The following CDC45 variants were observed in gnomAD, a reference collection of about 807,000 sequenced individuals.
The protein encoded by CDC45 is cell division control protein 45 homolog.
Under a neutral mutation model 77.8 loss-of-function variants are expected in CDC45, and 54 were observed. The observed-to-expected ratio is 0.69, with a 90% CI of 0.56 to 0.87. The LOEUF (loss-of-function observed/expected upper bound fraction) is 0.87. Ranked by LOEUF, CDC45 falls within the 40% of genes least tolerant of loss-of-function variation. The pLI is 0.00. For synonymous variants in CDC45, 260 were observed against 272.1 expected, an observed-to-expected ratio of 0.96 and a Z score of 0.44; for missense variants, 649 against 721.6, an observed-to-expected ratio of 0.90 and a Z score of 1.15.
chr22:19,504,063 C>T (rs1292627980), intron 9 of CDC45, among the ~76,000 whole-genome samples: 1 of 152,212 alleles, frequency 6.6e-6, no homozygotes, highest in Non-Finnish European at 1.5e-5. Context: ...AGCGAAGGCG[C>T]ACCAAGCCGC....
chr22:19,495,842 G>C lies in CDC45; in HGVS notation c.543-139G>C, dbSNP rs2090232910. ...GTCTCAACAAAAAAGAAAAAACCAAGAGTCAATATGTGAAAACAAATAGTA... is the reference window on the plus strand; with the variant it reads ...GTCTCAACAAAAAAGAAAAAACCAACAGTCAATATGTGAAAACAAATAGTA... On this transcript the variant is annotated intron_variant, in intron 6 of 18. Transcript: ENST00000263201. 4 of 723,550 alleles carry C rather than the reference G, an allele frequency of 5.5e-6. No homozygotes were observed. In the Admixed American group the frequency reaches 6.2e-5, roughly 11 times the overall value. 44.8% of individuals were successfully genotyped at this position (723,550 alleles called of 1,614,324 possible).
At chr22:19,500,164 A>T (rs757985354) in intron 9 of CDC45, among the ~76,000 whole-genome samples, 8 of 152,170 alleles carry the variant, frequency 5.3e-5, no homozygotes, top group Non-Finnish European at 1.2e-4. Context: ...GTATGCACTG[A>T]TAGGCACTGT....
chr22:19,510,264 A>G (rs778623644), intron 13 of CDC45, among the ~76,000 whole-genome samples: 15 of 151,862 alleles, frequency 9.9e-5, no homozygotes, highest in Non-Finnish European at 1.8e-4. Context: ...CCAGCCTGCA[A>G]TGACTTTTAG....
chr22:19,514,198 C>T (rs181797248), intron 13 of CDC45, among the ~76,000 whole-genome samples: 47 of 152,324 alleles, frequency 3.1e-4, no homozygotes, highest in Middle Eastern at 3.4e-3. Flanking sequence ...GGATTGTGGA[C>T]CCTTGGCTGG....
chr22:19,504,488 G>A (rs1027622978), intron 9 of CDC45, among the ~76,000 whole-genome samples: 14 of 152,092 alleles, frequency 9.2e-5, no homozygotes, highest in Admixed American at 7.2e-4. Context: ...TAATAGAGAC[G>A]GGGTTTCTTC....
chr22:19,512,281 T>C (rs937624084), intron 13 of CDC45, among the ~76,000 whole-genome samples: 1 of 152,216 alleles, frequency 6.6e-6, no homozygotes, highest in Non-Finnish European at 1.5e-5. Context: ...TGCTCTTGCA[T>C]AGGGCAAAAC....
At chr22:19,505,770 C>T (rs746585065) in intron 10 of CDC45, among the ~76,000 whole-genome samples, 22 of 152,200 alleles carry the variant, frequency 1.4e-4, no homozygotes, top group Admixed American at 1.4e-3. Flanking sequence ...CAGTGGTTCA[C>T]GCAGTCAGGA....
chr22:19,510,610 C>T (rs73612305), intron 13 of CDC45, among the ~76,000 whole-genome samples: 1 of 152,170 alleles, frequency 6.6e-6, no homozygotes, highest in Non-Finnish European at 1.5e-5. Flanking sequence ...CTCACTGCAA[C>T]CTTCGCCTCC....
intron 9 of CDC45, among the ~76,000 whole-genome samples, chr22:19,503,784 C>A (rs1484604508): frequency 6.6e-6 from 1 of 152,116 alleles, no homozygotes; most frequent in Non-Finnish European, 1.5e-5. Flanking sequence ...GGCCTCGAGA[C>A]TTCAGAGGGA....
chr22:19,512,896 G>T (rs578072055), intron 13 of CDC45, among the ~76,000 whole-genome samples: 2 of 152,348 alleles, frequency 1.3e-5, no homozygotes, highest in Non-Finnish European at 2.9e-5. Flanking sequence ...TTGGGCATCT[G>T]CATCTGGTGA....
In CDC45 at chr22:19,516,612, TC is replaced by T. The variant is rs1428199596; in HGVS notation, c.1532del (p.Pro511GlnfsTer36). On this transcript the variant is annotated frameshift_variant, in exon 16 of 19. Transcript: ENST00000263201. LOFTEE classifies it high-confidence loss of function. ...CATGGCACAGTGACCGTGGTGGGCA[TC>T]CCCCCAGAGACCGACAGCTCGGACA... ...MEHGTVTVVG[I>X]PPETDSSDRK... 3.1e-6 allele frequency: 5 copies of T among 1,613,440 alleles called. No homozygotes were observed. Among genetic ancestry groups the T allele is most frequent in the South Asian group, 1.1e-5 (1 of 91,066 alleles).
At chr22:19,499,867 T>G (rs1045882771) in intron 9 of CDC45, among the ~76,000 whole-genome samples, 2 of 152,198 alleles carry the variant, frequency 1.3e-5, no homozygotes, top group African/African-American at 4.8e-5. Flanking sequence ...GTCCCCAGGC[T>G]GTCACCTGGC....
At chr22:19,484,236 A>C (rs890119483) in intron 5 of CDC45, among the ~76,000 whole-genome samples, 1 of 152,252 alleles carries the variant, frequency 6.6e-6, no homozygotes, top group African/African-American at 2.4e-5. Flanking sequence ...TGTCAGAAGA[A>C]ATGAAATTTA....
At chr22:19,501,867 G>C (rs183939801) in intron 9 of CDC45, among the ~76,000 whole-genome samples, 1 of 152,134 alleles carries the variant, frequency 6.6e-6, no homozygotes, top group African/African-American at 2.4e-5. Flanking sequence ...GGCATGTGTC[G>C]CCATGCCTGG....
At chr22:19,518,808 T>C in intron 17 of CDC45, 36 bp from the exon 18 acceptor site, 1 of 1,583,472 alleles carries the variant, frequency 6.3e-7, no homozygotes. Flanking sequence ...TTCCCACTCC[T>C]CCCTTCTCAC....
intron 5 of CDC45, among the ~76,000 whole-genome samples, 197 bp downstream of exon 5, chr22:19,484,202 T>C (rs957896926): frequency 6.6e-6 from 1 of 152,218 alleles, no homozygotes; most frequent in African/African-American, 2.4e-5. Context: ...CCCTAAATAG[T>C]GGCTTATCTG....
At chr22:19,501,781 C>T (rs538764512) in intron 9 of CDC45, among the ~76,000 whole-genome samples, 6 of 152,244 alleles carry the variant, frequency 3.9e-5, no homozygotes, top group African/African-American at 1.2e-4. Context: ...TTGGCATGAA[C>T]GTAACTCACT....
Position 19,482,738 on chromosome 22 carries a change from G to A in CDC45, c.253G>A (p.Asp85Asn). ...INCGANVDLLDILQPDEDTIF... is the reference protein window; with the variant it reads ...INCGANVDLLNILQPDEDTIF... Reference sequence around the variant, plus strand: ...CTGTGGAGCTAATGTAGACCTATTGGATATTCTTCAACCTGATGAAGACAC... The same window carrying A: ...CTGTGGAGCTAATGTAGACCTATTGAATATTCTTCAACCTGATGAAGACAC... Residue 85 changes from aspartate (D) to asparagine (N), a missense_variant, in exon 4 of 19, where the codon GAT becomes AAT. Physicochemically the swap from Asp to Asn is conservative, Grantham distance 23 (BLOSUM62 1). Coordinates refer to ENST00000263201, the MANE Select transcript of CDC45 (RefSeq NM_003504.5). The A allele has an allele frequency of 1.2e-6, 2 of 1,612,364 alleles. No homozygotes were observed. The highest frequency in any genetic ancestry group is 1.7e-6 in the Non-Finnish European group (2 of 1,178,410).
chr22:19,506,364 G>A (rs1601968164), intron 10 of CDC45, among the ~76,000 whole-genome samples: 1 of 150,844 alleles, frequency 6.6e-6, no homozygotes, highest in East Asian at 1.9e-4. Flanking sequence ...ACTTACCCAG[G>A]GACCATGGGA....
Sources: gnomAD v4.1 joint callset for allele counts (sites outside exome capture counted in the v4.1 genomes callset) on GRCh38, gnomAD v4.1.1 for gene constraint, MANE v1.5 for transcripts, NCBI Gene and HGNC (gene_info 2026-07-23, HGNC 2026-07-21) for gene names.